PPARGC1A: variants seen among roughly 807,000 people sequenced by gnomAD.
PPARGC1A encodes peroxisome proliferator-activated receptor gamma coactivator 1-alpha.
In PPARGC1A, 25 loss-of-function variants were observed where a neutral mutation model predicts 88.7. The ratio of observed to expected loss-of-function variants is 0.28; its 90% CI spans 0.21 to 0.39. The LOEUF is 0.39. Among genes scored for constraint, PPARGC1A ranks in the 10% least tolerant of loss-of-function variants. PPARGC1A has a pLI of 1.00. For synonymous variants in PPARGC1A, 363 were observed against 355.6 expected, an observed-to-expected ratio of 1.02 and a Z score of -0.24; for missense variants, 880 against 968.7, an observed-to-expected ratio of 0.91 and a Z score of 1.22.
At chr4:24,018,471 G>A in the PPARGC1A span, among the ~76,000 whole-genome samples, 1 of 152,054 alleles carries the variant, frequency 6.6e-6, no homozygotes, top group Non-Finnish European at 1.5e-5. Context: ...ATGGGTGAGG[G>A]TTTGGATGTG....
intron 1 of PPARGC1A, among the ~76,000 whole-genome samples, chr4:23,898,328 A>G (rs1022459963): frequency 5.3e-5 from 8 of 152,166 alleles, no homozygotes; most frequent in Non-Finnish European, 1.0e-4. Flanking sequence ...ATACGACTCT[A>G]TTGAGCAAGA....
intron 2 of PPARGC1A, among the ~76,000 whole-genome samples, chr4:23,837,209 G>A (rs1464119115): frequency 6.6e-6 from 1 of 152,158 alleles, no homozygotes; most frequent in East Asian, 1.9e-4. Context: ...GAAGGAAACA[G>A]TGGGGTCTTC....
intron 3 of PPARGC1A, among the ~76,000 whole-genome samples, chr4:23,829,863 C>G (rs1048473716): frequency 2.0e-5 from 3 of 151,938 alleles, no homozygotes; most frequent in Non-Finnish European, 4.4e-5. Context: ...TGCAAATGTG[C>G]CAATTATTAT....
chr4:23,859,298 C>T (rs546677849), intron 2 of PPARGC1A, among the ~76,000 whole-genome samples: 2 of 152,140 alleles, frequency 1.3e-5, no homozygotes, highest in Non-Finnish European at 2.9e-5. Flanking sequence ...AGACACAGAG[C>T]CACTAGCGAG....
chr4:23,800,828 C>G (rs1255784173), intron 12 of PPARGC1A, among the ~76,000 whole-genome samples: 4 of 151,656 alleles, frequency 2.6e-5, no homozygotes, highest in Admixed American at 6.6e-5. Context: ...GCTTCAGTTT[C>G]CTTATCTGTA....
the PPARGC1A span, among the ~76,000 whole-genome samples, chr4:24,268,560 G>A: frequency 6.6e-6 from 1 of 152,176 alleles, no homozygotes; most frequent in Admixed American, 6.5e-5. Context: ...GAACAAATTT[G>A]TTTAAAGCGT....
chr4:23,892,950 A>G (rs1342200174), upstream of PPARGC1A, among the ~76,000 whole-genome samples: 1 of 152,178 alleles, frequency 6.6e-6, no homozygotes. Flanking sequence ...CTGGTGAGAT[A>G]CAAGTTCCTT....
rs1577431581 is a variant in PPARGC1A, at chr4:23,831,597, T to A, written c.389A>T (p.Asp130Val). Residue 130 changes from aspartate to valine, a missense_variant, in exon 3 of 13, where the codon GAC becomes GTC. Transcript: ENST00000264867. ...DNEASPSSMP[D>V]GTPPPQEAEE... is the part of the protein sequence containing the mutation. ...TGCCTCCTGGGGTGGAGGGGTGCCG[T>A]CAGGCATGGAGGAAGGACTAGCCTC... 6.2e-7 allele frequency: 1 copy of A among 1,614,074 alleles called. No homozygotes were observed. The highest frequency in any genetic ancestry group is 1.3e-5 in the African/African-American group (1 of 75,026).
the PPARGC1A span, among the ~76,000 whole-genome samples, chr4:24,305,259 TATG>T: frequency 6.6e-6 from 1 of 151,024 alleles, no homozygotes; most frequent in Non-Finnish European, 1.5e-5. Flanking sequence ...ATAATATATA[TATG>T]ATATCTAAGA....
the PPARGC1A span, among the ~76,000 whole-genome samples, chr4:23,982,291 G>T: frequency 1.3e-5 from 2 of 152,182 alleles, no homozygotes; most frequent in Non-Finnish European, 2.9e-5. Flanking sequence ...CTGAAATGCT[G>T]TCCATTCCAG....
the PPARGC1A span, among the ~76,000 whole-genome samples, chr4:24,175,110 G>A: frequency 2.0e-5 from 3 of 152,116 alleles, no homozygotes; most frequent in African/African-American, 4.8e-5. Context: ...TAGTTCATGA[G>A]CTTCATTGTT....
At chr4:24,328,103 T>C in the PPARGC1A span, among the ~76,000 whole-genome samples, 6 of 151,954 alleles carry the variant, frequency 3.9e-5, no homozygotes, top group Admixed American at 6.6e-5. Context: ...CCTATCTCCC[T>C]TCGCTGACTC....
intron 4 of PPARGC1A, 55 bp downstream of exon 4, chr4:23,829,408 T>C (rs1724592352): frequency 3.8e-6 from 6 of 1,588,192 alleles, no homozygotes; most frequent in Non-Finnish European, 5.2e-6. Flanking sequence ...TTTTACTGCT[T>C]CAAGCCAAAA....
At chr4:24,157,848 C>T in the PPARGC1A span, among the ~76,000 whole-genome samples, 1 of 152,036 alleles carries the variant, frequency 6.6e-6, no homozygotes, top group Non-Finnish European at 1.5e-5. Flanking sequence ...ATCCCCCACC[C>T]CACAATTCTC....
At chr4:24,246,565 G>C in the PPARGC1A span, among the ~76,000 whole-genome samples, 1 of 152,156 alleles carries the variant, frequency 6.6e-6, no homozygotes, top group Admixed American at 6.5e-5. Context: ...ATAGTGAGCT[G>C]TCATGAAACC....
chr4:24,083,817 T>C, the PPARGC1A span, among the ~76,000 whole-genome samples: 75 of 152,340 alleles, frequency 4.9e-4, no homozygotes, highest in Non-Finnish European at 9.6e-4. Flanking sequence ...TAGTTGATCC[T>C]TCCAAGTAGA....
the PPARGC1A span, among the ~76,000 whole-genome samples, chr4:24,376,963 C>A: frequency 6.6e-6 from 1 of 152,102 alleles, no homozygotes; most frequent in Non-Finnish European, 1.5e-5. Context: ...GGTCAAATGG[C>A]CTAACCTTTT....
chr4:24,040,836 C>T, the PPARGC1A span, among the ~76,000 whole-genome samples: 3 of 152,260 alleles, frequency 2.0e-5, no homozygotes, highest in East Asian at 3.9e-4. Flanking sequence ...AACGTTTTCC[C>T]AACATCCATA....
chr4:23,848,009 A>G (rs922431752), intron 2 of PPARGC1A, among the ~76,000 whole-genome samples: 3 of 152,188 alleles, frequency 2.0e-5, no homozygotes, highest in African/African-American at 7.2e-5. Flanking sequence ...AGGTCTACAC[A>G]ACTTTGTGGC....
Sources: allele counts gnomAD v4.1 joint callset (sites outside exome capture counted in the v4.1 genomes callset), GRCh38; gene constraint gnomAD v4.1.1; transcripts MANE v1.5; gene names NCBI Gene and HGNC (gene_info 2026-07-23, HGNC 2026-07-21).